The following POP1 variants were observed in gnomAD, a reference collection of about 807,000 sequenced individuals.
POP1 encodes the protein ribonucleases P/MRP protein subunit POP1.
A neutral mutation model predicts 102.2 loss-of-function variants in POP1; 75 were observed. That is an observed-to-expected ratio of 0.73 (90% confidence interval 0.61 to 0.89). POP1 has a LOEUF of 0.89. POP1 is among the 40% of genes least tolerant of loss of function. The pLI is 0.00. For missense variants in POP1, 1,116 were observed against 1,267.4 expected, an observed-to-expected ratio of 0.88 and a Z score of 1.81; for synonymous variants, 436 against 464.1, an observed-to-expected ratio of 0.94 and a Z score of 0.78.
intron 6 of POP1, 53 bp from the exon 7 acceptor site, chr8:98,134,419 G>C: frequency 6.4e-7 from 1 of 1,558,420 alleles, no homozygotes. Flanking sequence ...TCAGGAAATA[G>C]GACTGCAGTC....
chr8:98,123,364 C>T lies in POP1; in HGVS notation c.27C>T (p.His9=), dbSNP rs376017756. 1.1e-4 allele frequency: 173 copies of T among 1,613,734 alleles called. 1 individual carries two copies. The highest frequency in any genetic ancestry group is 2.2e-4 in the South Asian group (20 of 91,084). MSNAKERK[H]AKKMRNQPTN... ...TGTCAAATGCAAAAGAAAGAAAACA[C>T]GCCAAGAAAATGAGAAACCAGCCTA... The change falls in exon 2 of 16, where the codon CAC becomes CAT. Residue 9 remains histidine (H), a synonymous_variant. Transcript: ENST00000401707.
At chr8:98,151,709 A>G (rs900217520) in intron 14 of POP1, among the ~76,000 whole-genome samples, 1 of 150,480 alleles carries the variant, frequency 6.6e-6, no homozygotes, top group Non-Finnish European at 1.5e-5. Flanking sequence ...CTGCAACCAT[A>G]ACTATAGAGA....
At chr8:98,144,622 C>A (rs566378041) in intron 11 of POP1, among the ~76,000 whole-genome samples, 1 of 152,286 alleles carries the variant, frequency 6.6e-6, no homozygotes, top group East Asian at 1.9e-4. Context: ...GTAGTACTTT[C>A]CTGTATCTTT....
intron 1 of POP1, among the ~76,000 whole-genome samples, chr8:98,120,803 C>T (rs1370305526): frequency 1.3e-5 from 2 of 152,188 alleles, no homozygotes; most frequent in Non-Finnish European, 2.9e-5. Flanking sequence ...CCCGCCAACA[C>T]GCCCGGCTAA....
intron 7 of POP1, among the ~76,000 whole-genome samples, chr8:98,135,416 A>G (rs1000058645): frequency 6.6e-6 from 1 of 152,222 alleles, no homozygotes; most frequent in Non-Finnish European, 1.5e-5. Context: ...GTGGTTCACT[A>G]GTATCTAGGG....
At chr8:98,135,748 G>A (rs1419940338) in intron 7 of POP1, among the ~76,000 whole-genome samples, 1 of 151,622 alleles carries the variant, frequency 6.6e-6, no homozygotes, top group Non-Finnish European at 1.5e-5. Context: ...ATTGAGACTT[G>A]AGTGCAGTGG....
rs12114406 is a variant in POP1 at position 98,129,119 on chromosome 8, A to T, written c.486+579A>T. Among the ~76,000 whole-genome samples the T allele has an allele frequency of 5.7e-3, 875 of 152,204 alleles. 3 individuals carry two copies. Among genetic ancestry groups the T allele is most frequent in the African/African-American group, 0.02 (829 of 41,520 alleles). On this transcript the variant is annotated intron_variant, in intron 4 of 15. Coordinates refer to ENST00000401707, the MANE Select transcript of POP1 (RefSeq NM_001145860.2). ...TGAATAGTTGATGTTCCCTTCCCAG[A>T]TGTTAAAAAAAAACTCTGACCCTCT...
At chr8:98,134,087 A>T (rs1242829118) in intron 6 of POP1, 51 bp downstream of exon 6, 1 of 1,372,054 alleles carries the variant, frequency 7.3e-7, no homozygotes, top group South Asian at 1.2e-5. Flanking sequence ...ATATTTATTC[A>T]TTTCATAAAG....
At chr8:98,136,303 T>G (rs565370720) in intron 7 of POP1, among the ~76,000 whole-genome samples, 179 bp from the exon 8 acceptor site, 4 of 151,970 alleles carry the variant, frequency 2.6e-5, no homozygotes, top group African/African-American at 9.7e-5. Context: ...CTCGAACTCC[T>G]GATCTCAGGT....
At position 98,156,162 on chromosome 8, in the gene POP1, G is replaced by A; in HGVS notation, c.2170G>A (p.Glu724Lys). 1 of 1,614,074 alleles carries A rather than the reference G, an allele frequency of 6.2e-7. No individual in the cohort carries two copies. Among genetic ancestry groups the A allele is most frequent in the Non-Finnish European group, 8.5e-7 (1 of 1,180,044 alleles). Reference protein sequence around the residue: ...DWESRVQAYEEPSVASSPNGK... With the variant: ...DWESRVQAYEKPSVASSPNGK... ...GGAGTCAAGAGTCCAGGCTTACGAA[G>A]AACCTTCTGTAGCTTCATCTCCAAA... is the stretch of plus-strand genomic sequence containing the variant. Residue 724 changes from glutamate to lysine, a missense_variant, in exon 15 of 16, where the codon GAA becomes AAA. Transcript: ENST00000401707.
At chr8:98,148,782 C>G (rs756912872) in intron 12 of POP1, 33 bp from the exon 13 acceptor site, 1 of 1,577,786 alleles carries the variant, frequency 6.3e-7, no homozygotes, top group Non-Finnish European at 8.7e-7. Context: ...AAGACTAGGG[C>G]TATTTGTCTT....
At chr8:98,135,129 T>C (rs2130600143) in intron 7 of POP1, among the ~76,000 whole-genome samples, 1 of 152,086 alleles carries the variant, frequency 6.6e-6, no homozygotes, top group South Asian at 2.1e-4. Flanking sequence ...AAGACAAAAA[T>C]TAGCTAGGAT....
intron 1 of POP1, among the ~76,000 whole-genome samples, chr8:98,122,365 GAAGTA>G (rs1816055713): frequency 6.6e-6 from 1 of 152,178 alleles, no homozygotes; most frequent in African/African-American, 2.4e-5. Flanking sequence ...TGTATAGGTA[GAAGTA>G]AAGACTGGTA....
chr8:98,131,338 G>A (rs971473901), intron 5 of POP1, among the ~76,000 whole-genome samples: 4 of 152,186 alleles, frequency 2.6e-5, no homozygotes, highest in Admixed American at 6.5e-5. Flanking sequence ...CTTCATAGGG[G>A]TGAAATCATA....
In POP1 at chr8:98,158,073, C is replaced by A; in HGVS notation, c.2877C>A (p.Cys959Ter). The part of the protein sequence containing the change: ...SGPLPRVTLH[C>*]SRTLLGFVTQ... ...CTCTGCCGCGTGTGACGTTGCACTG[C>A]TCCAGAACTCTCCTAGGCTTTGTGA... is the stretch of plus-strand genomic sequence containing the variant. The change falls in exon 16 of 16, where the codon TGC becomes TGA. Residue 959 changes from cysteine (C) to a stop codon, truncating the protein, a stop_gained. Coordinates refer to ENST00000401707, the MANE Select transcript of POP1 (RefSeq NM_001145860.2). LOFTEE classifies it high-confidence loss of function. The A allele has an allele frequency of 6.2e-7, 1 of 1,608,644 alleles. No homozygotes were observed.
intron 2 of POP1, among the ~76,000 whole-genome samples, chr8:98,126,012 ATTT>A (rs769926677): frequency 1.4e-5 from 2 of 140,578 alleles, no homozygotes; most frequent in Non-Finnish European, 1.6e-5. Flanking sequence ...TGCCCAGCAA[ATTT>A]TTTTTTTTTT....
intron 11 of POP1, among the ~76,000 whole-genome samples, chr8:98,143,031 T>G (rs1816748981): frequency 6.6e-6 from 1 of 152,238 alleles, no homozygotes. Context: ...GTAAAACTCA[T>G]TAAAAGAAAG....
chr8:98,136,571 CCAAGAAAAAAG>C lies in POP1; in HGVS notation c.1103_1113del (p.Gln368ProfsTer3). 6.2e-7 allele frequency: 1 copy of C among 1,613,990 alleles called. No individual in the cohort carries two copies. The highest frequency in any genetic ancestry group is 8.5e-7 in the Non-Finnish European group (1 of 1,179,978). Reference sequence around the variant, plus strand: ...TCGCTGACCCACTTCCAACACCATCCCAAGAAAAAAGCCAAACTGAATTGCCTGACGAGAAA... The same window carrying C: ...TCGCTGACCCACTTCCAACACCATCCCCAAACTGAATTGCCTGACGAGAAA... On this transcript the variant is annotated frameshift_variant, in exon 8 of 16. Transcript: ENST00000401707. LOFTEE classifies it high-confidence loss of function.
At chr8:98,126,951 C>T (rs1816223424) in intron 2 of POP1, among the ~76,000 whole-genome samples, 1 of 152,088 alleles carries the variant, frequency 6.6e-6, no homozygotes. Flanking sequence ...GATACACAAC[C>T]TGTATCTTAC....
Sources: gnomAD v4.1 joint callset for allele counts (sites outside exome capture counted in the v4.1 genomes callset) on GRCh38, gnomAD v4.1.1 for gene constraint, MANE v1.5 for transcripts, NCBI Gene and HGNC (gene_info 2026-07-23, HGNC 2026-07-21) for gene names.